The following ADCY2 variants were observed in gnomAD, a reference collection of about 807,000 sequenced individuals.
ADCY2 encodes the protein adenylate cyclase type 2.
Under a neutral mutation model 125.2 loss-of-function variants are expected in ADCY2, and 31 were observed. The observed-to-expected ratio is 0.25, with a 90% CI of 0.19 to 0.33. The LOEUF (loss-of-function observed/expected upper bound fraction) is 0.33, where lower values mean the gene tolerates loss of function less well. Ranked by LOEUF, ADCY2 falls within the 10% of genes least tolerant of loss-of-function variation. The pLI, the probability that ADCY2 is intolerant of heterozygous loss-of-function variation, is 1.00. For synonymous variants in ADCY2, 512 were observed against 548.4 expected (o/e 0.93, Z 0.93); for missense variants, 904 against 1,418.2 (o/e 0.64, Z 5.82).
intron 3 of ADCY2, among the ~76,000 whole-genome samples, chr5:7,528,407 C>A (rs1734541692): frequency 7.6e-6 from 1 of 130,900 alleles, no homozygotes; most frequent in East Asian, 2.1e-4. Context: ...TGGTAACTAA[C>A]AATTTGACTG....
intron 3 of ADCY2, among the ~76,000 whole-genome samples, chr5:7,588,220 A>G (rs565282325): frequency 1.1e-3 from 166 of 152,290 alleles, no homozygotes; most frequent in Non-Finnish European, 1.7e-3. Context: ...TTTTGGAAAA[A>G]ATTAATGAGA....
At chr5:7,526,623 G>A (rs1159671966) in intron 3 of ADCY2, among the ~76,000 whole-genome samples, 3 of 152,002 alleles carry the variant, frequency 2.0e-5, no homozygotes, top group Non-Finnish European at 4.4e-5. Flanking sequence ...AGAAAAAAAG[G>A]GAGAAAAGGT....
chr5:7,761,878 C>G (rs1273513215), intron 16 of ADCY2, among the ~76,000 whole-genome samples: 1 of 152,196 alleles, frequency 6.6e-6, no homozygotes, highest in African/African-American at 2.4e-5. Flanking sequence ...AGAGAGAACA[C>G]CTGCCTTCAG....
intron 15 of ADCY2, among the ~76,000 whole-genome samples, chr5:7,747,637 G>T (rs1364869199): frequency 1.3e-5 from 2 of 151,962 alleles, no homozygotes; most frequent in Admixed American, 1.3e-4. Flanking sequence ...TGACTCTGAC[G>T]TGCCTCCAGC....
intron 4 of ADCY2, among the ~76,000 whole-genome samples, chr5:7,661,583 TGGTC>T (rs1561151678): frequency 6.6e-6 from 1 of 152,248 alleles, no homozygotes; most frequent in Non-Finnish European, 1.5e-5. Flanking sequence ...TTGGTTTTAA[TGGTC>T]GAATAAATGA....
At chr5:7,641,923 C>T (rs1738724805) in intron 4 of ADCY2, among the ~76,000 whole-genome samples, 1 of 152,140 alleles carries the variant, frequency 6.6e-6, no homozygotes, top group Non-Finnish European at 1.5e-5. Context: ...ATCAATCCAC[C>T]ATTGATGGGC....
rs374187517 is a variant in ADCY2, at chr5:7,507,461, A to AAT, written c.409-13277_409-13276insAT. Among the ~76,000 whole-genome samples the AAT allele has an allele frequency of 5.0e-3, 568 of 114,058 alleles. 64 individuals are homozygous for AAT. Among genetic ancestry groups the AAT allele is most frequent in the East Asian group, 0.035 (158 of 4,474 alleles). 74.8% of individuals were successfully genotyped at this position (114,058 alleles called of 152,430 possible). A position where few individuals can be genotyped will look rare whatever the true frequency, so the allele number is the denominator to read the frequency against. On this transcript the variant is annotated intron_variant, in intron 2 of 24. Transcript: ENST00000338316. ...GTCTCAAAAAAAAAAAAAAAAAAAAAGGTAACAAAGCCACTTTTGTAAAAA... is the reference window on the plus strand; with the variant it reads ...GTCTCAAAAAAAAAAAAAAAAAAAAAATGGTAACAAAGCCACTTTTGTAAAAA...
chr5:7,565,871 C>T (rs1047799538), intron 3 of ADCY2, among the ~76,000 whole-genome samples: 1 of 152,126 alleles, frequency 6.6e-6, no homozygotes, highest in African/African-American at 2.4e-5. Flanking sequence ...CCAGCTTTTC[C>T]CAAATAAATG....
At chr5:7,782,548 C>T (rs939265346) in intron 18 of ADCY2, among the ~76,000 whole-genome samples, 21 of 152,276 alleles carry the variant, frequency 1.4e-4, no homozygotes, top group Non-Finnish European at 2.6e-4. Flanking sequence ...TCCTATAAAT[C>T]CTGGCCTGAG....
intron 3 of ADCY2, among the ~76,000 whole-genome samples, chr5:7,579,957 T>C (rs59543619): frequency 0.014 from 2,061 of 152,314 alleles, 42 homozygotes; most frequent in African/African-American, 0.047. Context: ...AATCATGTGT[T>C]TTGCAGCAAC....
At chr5:7,631,494 T>C (rs1738309802) in intron 4 of ADCY2, among the ~76,000 whole-genome samples, 1 of 152,162 alleles carries the variant, frequency 6.6e-6, no homozygotes, top group South Asian at 2.1e-4. Flanking sequence ...TGGTTTTGCA[T>C]GGGTTTTCTG....
chr5:7,766,839 G>A, intron 17 of ADCY2, 33 bp downstream of exon 17: 1 of 1,601,780 alleles, frequency 6.2e-7, no homozygotes, highest in Non-Finnish European at 8.5e-7. Flanking sequence ...TGCTTTGGTG[G>A]CTCTCCTGTA....
At chr5:7,736,664 A>G (rs191632482) in intron 14 of ADCY2, among the ~76,000 whole-genome samples, 1 of 152,228 alleles carries the variant, frequency 6.6e-6, no homozygotes, top group East Asian at 1.9e-4. Flanking sequence ...TTTTAGGTCT[A>G]TTTGACCTGA....
intron 3 of ADCY2, among the ~76,000 whole-genome samples, chr5:7,523,366 T>C (rs1744533524): frequency 6.7e-6 from 1 of 149,836 alleles, no homozygotes. Flanking sequence ...TTTTATTTAC[T>C]CAGTTTCAAA....
intron 20 of ADCY2, among the ~76,000 whole-genome samples, chr5:7,792,961 C>G (rs2126509361): frequency 6.6e-6 from 1 of 152,324 alleles, no homozygotes; most frequent in African/African-American, 2.4e-5. Flanking sequence ...CACATCCACA[C>G]AGGTGGGATA....
chr5:7,757,592 T>TGGCCGTGTTCAACATGGTAAAC lies in ADCY2; in HGVS notation c.2094+6_2094+7insGGCCGTGTTCAACATGGTAAAC. The TGGCCGTGTTCAACATGGTAAAC allele has an allele frequency of 6.5e-7, 1 of 1,545,596 alleles. No homozygotes were observed. Among genetic ancestry groups the TGGCCGTGTTCAACATGGTAAAC allele is most frequent in the Non-Finnish European group, 8.8e-7 (1 of 1,137,452 alleles). On this transcript the variant is annotated splice_region_variant and intron_variant, in intron 16 of 24. Coordinates refer to ENST00000338316, the MANE Select transcript of ADCY2 (RefSeq NM_020546.3). Reference sequence around the variant, plus strand: ...TGATGGCCGTGTTCAACATGGTAAGTCCCAGAGCACGGCCGTGTTCAACAT... The same window carrying TGGCCGTGTTCAACATGGTAAAC: ...TGATGGCCGTGTTCAACATGGTAAGTGGCCGTGTTCAACATGGTAAACCCCAGAGCACGGCCGTGTTCAACAT...
At chr5:7,646,073 C>G (rs1738884795) in intron 4 of ADCY2, among the ~76,000 whole-genome samples, 1 of 151,740 alleles carries the variant, frequency 6.6e-6, no homozygotes, top group Non-Finnish European at 1.5e-5. Context: ...GTGGATTCCT[C>G]CAGTGAAACA....
chr5:7,628,821 TTA>T (rs1561133294), intron 4 of ADCY2, among the ~76,000 whole-genome samples: 7 of 144,424 alleles, frequency 4.8e-5, no homozygotes, highest in African/African-American at 5.1e-5. Context: ...TTATCTTGGT[TTA>T]AAAAAAAAAA....
intron 1 of ADCY2, among the ~76,000 whole-genome samples, chr5:7,401,937 C>T (rs942788465): frequency 2.6e-5 from 4 of 152,170 alleles, no homozygotes; most frequent in East Asian, 1.9e-4. Flanking sequence ...ATATTGACAT[C>T]GAGACAATTC....
Sources: gnomAD v4.1 joint callset for allele counts (sites outside exome capture counted in the v4.1 genomes callset) on GRCh38, gnomAD v4.1.1 for gene constraint, MANE v1.5 for transcripts, NCBI Gene and HGNC (gene_info 2026-07-23, HGNC 2026-07-21) for gene names.